RGS3: variants seen among roughly 807,000 people sequenced by gnomAD.
RGS3 encodes regulator of G-protein signalling 3.
Under a neutral mutation model 132.6 loss-of-function variants are expected in RGS3, and 80 were observed. The observed-to-expected ratio is 0.60, with a 90% confidence interval of 0.50 to 0.73. The LOEUF (loss-of-function observed/expected upper bound fraction) is 0.73. RGS3 is among the 30% of genes least tolerant of loss of function. RGS3 has a pLI of 0.00. For missense variants in RGS3, 1,382 were observed against 1,530.8 expected (o/e 0.90, Z 1.62); for synonymous variants, 598 against 620.6 (o/e 0.96, Z 0.54).
At chr9:113,448,028 T>G (rs1056024584) in intron 1 of RGS3, among the ~76,000 whole-genome samples, 1 of 151,960 alleles carries the variant, frequency 6.6e-6, no homozygotes, top group Admixed American at 6.6e-5. Context: ...CAGCTATTTT[T>G]TATATTTTTT....
chr9:113,471,087 G>A (rs1829815917), intron 3 of RGS3, among the ~76,000 whole-genome samples: 1 of 152,154 alleles, frequency 6.6e-6, no homozygotes, highest in Non-Finnish European at 1.5e-5. Flanking sequence ...TTTGTCAGGT[G>A]CCTAGGGTCA....
chr9:113,454,117 TTAACA>T (rs1829315774), intron 1 of RGS3, among the ~76,000 whole-genome samples: 1 of 152,160 alleles, frequency 6.6e-6, no homozygotes, highest in Non-Finnish European at 1.5e-5. Context: ...CCTGGCGTAC[TTAACA>T]TGTCATTTCT....
intron 19 of RGS3, among the ~76,000 whole-genome samples, chr9:113,547,080 C>A (rs1833146496): frequency 6.6e-6 from 1 of 151,998 alleles, no homozygotes; most frequent in African/African-American, 2.4e-5. Context: ...AGATCCAGAT[C>A]TAGGGGGAGA....
intron 18 of RGS3, among the ~76,000 whole-genome samples, chr9:113,532,443 GC>G (rs1400698082): frequency 6.6e-6 from 1 of 152,104 alleles, no homozygotes; most frequent in African/African-American, 2.4e-5. Flanking sequence ...AGCCAGCTCT[GC>G]CCCCTGCCTT....
chr9:113,508,481 T>G (rs1831244706), intron 13 of RGS3, 60 bp from the exon 12 acceptor site: 3 of 1,604,504 alleles, frequency 1.9e-6, no homozygotes, highest in African/African-American at 1.3e-5. Context: ...TCCAGCAGCC[T>G]CCTGGGCTGT....
intron 19 of RGS3, among the ~76,000 whole-genome samples, chr9:113,553,488 A>G (rs1429513595): frequency 2.4e-5 from 3 of 123,272 alleles, no homozygotes; most frequent in African/African-American, 9.2e-5. Flanking sequence ...ATATATATAT[A>G]TATGTATATA....
Position 113,478,993 on chromosome 9 carries a change from CA to C in RGS3, c.416-496del, listed in dbSNP as rs1830077949. 1.2e-4 allele frequency: 20 copies of C among 163,258 alleles called. 2 individuals carry two copies. The South Asian group carries it at 3.3e-3, about 27-fold the overall frequency. 10.1% of individuals were successfully genotyped at this position (163,258 alleles called of 1,614,324 possible). ...CAGGTGTTTCCAGTTTTTCCTTAAACAATGCTGTAGTGCCAGCCTTTGTGTG... is the reference window on the plus strand; with the variant it reads ...CAGGTGTTTCCAGTTTTTCCTTAAACATGCTGTAGTGCCAGCCTTTGTGTG... On this transcript the variant is annotated intron_variant, in intron 3 of 24. Transcript: ENST00000350696.
chr9:113,454,780 A>G (rs886648626), intron 1 of RGS3, among the ~76,000 whole-genome samples: 7 of 146,010 alleles, frequency 4.8e-5, no homozygotes, highest in African/African-American at 1.5e-4. Flanking sequence ...TGAGTATTCT[A>G]TCTAATACCT....
At chr9:113,543,473 G>A (rs1832984495) in intron 19 of RGS3, among the ~76,000 whole-genome samples, 1 of 152,240 alleles carries the variant, frequency 6.6e-6, no homozygotes, top group Non-Finnish European at 1.5e-5. Context: ...GCTGCCTGAA[G>A]TGGGACCAGT....
chr9:113,528,314 C>G (rs1832309092), intron 17 of RGS3, among the ~76,000 whole-genome samples: 1 of 152,162 alleles, frequency 6.6e-6, no homozygotes, highest in Non-Finnish European at 1.5e-5. Context: ...GGGAGTGCTG[C>G]CAGGCCCTGA....
At chr9:113,501,263 G>A in intron 10 of RGS3, 4 of 458,210 alleles carry the variant, frequency 8.7e-6, no homozygotes, top group Non-Finnish European at 7.5e-6. Context: ...GTGGCCCATG[G>A]CGGAGAATGC....
At chr9:113,595,026 C>T (rs1003650450) in intron 23 of RGS3, 46 bp downstream of exon 21, 12 of 1,562,544 alleles carry the variant, frequency 7.7e-6, no homozygotes, top group Admixed American at 5.0e-5. Context: ...CTCTCCCTCT[C>T]CCCTTCGCCC....
intron 19 of RGS3, among the ~76,000 whole-genome samples, chr9:113,580,107 G>A (rs925774739): frequency 2.0e-5 from 3 of 152,168 alleles, no homozygotes; most frequent in Admixed American, 6.5e-5. Flanking sequence ...AAACCTGCAC[G>A]CAGTCCCTGT....
chr9:113,575,629 T>C (rs1036596727), intron 19 of RGS3, among the ~76,000 whole-genome samples: 1 of 152,200 alleles, frequency 6.6e-6, no homozygotes, highest in Non-Finnish European at 1.5e-5. Flanking sequence ...TAGTGCTGAT[T>C]CTGTTGTATG....
chr9:113,574,149 C>CATCATTA (rs1327547768), intron 19 of RGS3, among the ~76,000 whole-genome samples: 1 of 152,220 alleles, frequency 6.6e-6, no homozygotes, highest in African/African-American at 2.4e-5. Flanking sequence ...CTATCTTTGT[C>CATCATTA]ATCATTATCT....
At chr9:113,457,233 G>A (rs1243930003), upstream of RGS3, among the ~76,000 whole-genome samples, 1 of 152,120 alleles carries the variant, frequency 6.6e-6, no homozygotes, top group African/African-American at 2.4e-5. Flanking sequence ...GCCTTTACAT[G>A]TTTTGTTCTT....
intron 19 of RGS3, among the ~76,000 whole-genome samples, chr9:113,572,912 G>T (rs555808298): frequency 6.6e-6 from 1 of 152,372 alleles, no homozygotes; most frequent in East Asian, 1.9e-4. Flanking sequence ...GTCCTAGGCT[G>T]CTGTAAGGGT....
At chr9:113,471,480 T>G (rs1233240715) in intron 3 of RGS3, among the ~76,000 whole-genome samples, 1 of 152,224 alleles carries the variant, frequency 6.6e-6, no homozygotes, top group Non-Finnish European at 1.5e-5. Context: ...TTTAACATAT[T>G]TTGTTTAGCA....
chr9:113,585,919 C>T (rs1286238328), intron 20 of RGS3, among the ~76,000 whole-genome samples: 1 of 152,222 alleles, frequency 6.6e-6, no homozygotes, highest in Non-Finnish European at 1.5e-5. Flanking sequence ...GAACTTTGGC[C>T]TTGGAACTAA....
Sources: gnomAD v4.1 joint callset for allele counts (sites outside exome capture counted in the v4.1 genomes callset) on GRCh38, gnomAD v4.1.1 for gene constraint, MANE v1.5 for transcripts, NCBI Gene and HGNC (gene_info 2026-07-23, HGNC 2026-07-21) for gene names.